The following BIRC6 variants were observed in gnomAD, a reference collection of about 807,000 sequenced individuals.
The protein encoded by BIRC6 is baculoviral IAP repeat containing 6.
In BIRC6, 98 loss-of-function variants were observed where a neutral mutation model predicts 503.3. The observed-to-expected ratio is 0.19, with a 90% CI of 0.17 to 0.23. The LOEUF is 0.23. Among genes scored for constraint, BIRC6 ranks in the 10% least tolerant of loss-of-function variants. BIRC6 has a pLI of 1.00. For missense variants in BIRC6, 5,360 were observed against 5,806.0 expected (o/e 0.92, Z 2.50); for synonymous variants, 2,240 against 2,078.7 (o/e 1.08, Z -2.11).
intron 54 of BIRC6, among the ~76,000 whole-genome samples, chr2:32,514,114 CG>C (rs1353632660): frequency 2.6e-5 from 4 of 151,952 alleles, no homozygotes; most frequent in Non-Finnish European, 5.9e-5. Context: ...TGAAACGAGG[CG>C]TTTAATGCCA....
chr2:32,377,059 AT>A (rs2036893072), intron 1 of BIRC6, among the ~76,000 whole-genome samples: 1 of 152,168 alleles, frequency 6.6e-6, no homozygotes, highest in South Asian at 2.1e-4. Flanking sequence ...CCAATAATTC[AT>A]TTTTAAAAGT....
Position 32,464,783 on chromosome 2 carries a change from A to G in BIRC6, c.5216A>G (p.Asn1739Ser), listed in dbSNP as rs757711857. Reference sequence around the variant, plus strand: ...TCAGTCATTGATCCCCCAGCAGTCAATCTTGCTGCACATAACAAAAATTCC... The same window carrying G: ...TCAGTCATTGATCCCCCAGCAGTCAGTCTTGCTGCACATAACAAAAATTCC... ...PGSVIDPPAV[N>S]LAAHNKNSNK... The change falls in exon 25 of 74, where the codon AAT (asparagine) becomes AGT (serine). Residue 1739 changes from asparagine (N) to serine (S), a missense_variant. Asn to Ser is a conservative substitution (Grantham distance 46). Transcript: ENST00000421745. 6 of 1,613,540 alleles carry G rather than the reference A, an allele frequency of 3.7e-6. No individual in the cohort carries two copies. The highest frequency in any genetic ancestry group is 4.5e-5 in the East Asian group (2 of 44,890).
chr2:32,477,221 T>C lies in BIRC6; in HGVS notation c.6853-147T>C, dbSNP rs1354399184. The C allele has an allele frequency of 7.5e-6, 5 of 665,828 alleles. No homozygotes were observed. In the East Asian group the frequency reaches 1.4e-4, roughly 18 times the overall value. 41.2% of individuals were successfully genotyped at this position (665,828 alleles called of 1,614,324 possible). A position where few individuals can be genotyped will look rare whatever the true frequency, so the allele number is the denominator to read the frequency against. ...TATTGGTCAGTTTAGCTTTTAATAT[T>C]CTTACTTTTGAAACTTACAGTGTAT... On this transcript the variant is annotated intron_variant, in intron 34 of 73. Transcript: ENST00000421745.
At chr2:32,436,857 C>T (rs1268037754) in intron 15 of BIRC6, among the ~76,000 whole-genome samples, 2 of 151,130 alleles carry the variant, frequency 1.3e-5, no homozygotes, top group Non-Finnish European at 2.9e-5. Context: ...AGCACCGCAC[C>T]TGGCCAAGAG....
chr2:32,436,887 T>G (rs1409589864), intron 15 of BIRC6, among the ~76,000 whole-genome samples: 5 of 808 alleles, frequency 6.2e-3, no homozygotes, highest in Non-Finnish European at 0.027. Context: ...TTGTTTTTTC[T>G]TTTTTTTTTT....
intron 70 of BIRC6, among the ~76,000 whole-genome samples, chr2:32,602,295 G>A (rs1350225155): frequency 6.6e-6 from 1 of 152,176 alleles, no homozygotes; most frequent in Non-Finnish European, 1.5e-5. Flanking sequence ...ACATAGATGA[G>A]CCTGGTGGGA....
At position 32,524,940 on chromosome 2, in the gene BIRC6, A is replaced by G. The variant is rs1305857758; in HGVS notation, c.11676A>G (p.Glu3892=). 2 of 1,534,526 alleles carry G rather than the reference A, an allele frequency of 1.3e-6. No homozygotes were observed. Among genetic ancestry groups the G allele is most frequent in the Non-Finnish European group, 1.8e-6 (2 of 1,139,222 alleles). Residue 3892 remains glutamate, a synonymous_variant, in exon 58 of 74, where the codon GAA becomes GAG. Transcript: ENST00000421745. ...TTAGTGAACAAAAAGATGACAAAGA[A>G]AAGAAAAACCATGAAGAGAAAGAAA... is the stretch of plus-strand genomic sequence containing the variant. ...KLISEQKDDK[E]KKNHEEKEKV... is the part of the protein sequence containing the mutation.
Position 32,501,708 on chromosome 2 carries a change from C to T in BIRC6, c.9032-5C>T. The stretch of plus-strand genomic sequence containing the variant: ...TTTTAATGTGGTATCTTTTATTTTT[C>T]TTAGGAGCAAGTGGATTACATCTCA... On this transcript the variant is annotated splice_polypyrimidine_tract_variant and splice_region_variant and intron_variant, in intron 46 of 73. Coordinates refer to ENST00000421745, the MANE Select transcript of BIRC6 (RefSeq NM_016252.4). 6.2e-7 allele frequency: 1 copy of T among 1,603,624 alleles called. No homozygotes were observed. The highest frequency in any genetic ancestry group is 8.5e-7 in the Non-Finnish European group (1 of 1,176,560).
chr2:32,394,153 T>C (rs2039580239), intron 5 of BIRC6, among the ~76,000 whole-genome samples: 1 of 150,824 alleles, frequency 6.6e-6, no homozygotes, highest in Admixed American at 6.6e-5. Context: ...AGTGATGCCT[T>C]GATTTTTTTT....
chr2:32,481,414 T>A lies in BIRC6; in HGVS notation c.7503T>A (p.Ile2501=). The A allele has an allele frequency of 6.2e-7, 1 of 1,612,274 alleles. No homozygotes were observed. Among genetic ancestry groups the A allele is most frequent in the Non-Finnish European group, 8.5e-7 (1 of 1,179,108 alleles). The change falls in exon 38 of 74, where the codon ATT becomes ATA. Residue 2501 remains isoleucine (I), a synonymous_variant. Coordinates refer to ENST00000421745, the MANE Select transcript of BIRC6 (RefSeq NM_016252.4). ...AAGTTGACATTGATCCTTTAGATAT[T>A]GATTTGGAAAAGGACCCTCTTGCAG... ...LMEVDIDPLD[I]DLEKDPLAAK...
intron 61 of BIRC6, among the ~76,000 whole-genome samples, chr2:32,537,752 G>A (rs1374126266): frequency 6.6e-6 from 1 of 152,120 alleles, no homozygotes; most frequent in East Asian, 1.9e-4. Context: ...GGATCACGAG[G>A]TCAGGAGATC....
rs776651975 is a variant in BIRC6 at position 32,501,774 on chromosome 2, A to C, written c.9093A>C (p.Ser3031=). ...TTCATGGTGGGTTGGATGCCATATC[A>C]GTTGGGGATGGATTATTTACCATAC... ...ENFHGGLDAI[S]VGDGLFTILT... Residue 3031 remains serine (S), a synonymous_variant, in exon 47 of 74, where the codon TCA becomes TCC. Transcript: ENST00000421745. 3.1e-5 allele frequency: 50 copies of C among 1,613,682 alleles called. No homozygotes were observed. The Admixed American group carries it at 8.0e-4, about 26-fold the overall frequency.
At chr2:32,578,349 C>A (rs2060405923) in intron 66 of BIRC6, among the ~76,000 whole-genome samples, 1 of 152,140 alleles carries the variant, frequency 6.6e-6, no homozygotes. Flanking sequence ...AAGCTCCCCA[C>A]CCCACCTGTC....
At chr2:32,475,553 C>A (rs1010386267) in intron 33 of BIRC6, among the ~76,000 whole-genome samples, 6 of 152,078 alleles carry the variant, frequency 3.9e-5, no homozygotes, top group East Asian at 1.9e-4. Context: ...AGAAGTGTAT[C>A]CAACTAAATA....
At chr2:32,545,972 C>A in intron 63 of BIRC6, 112 bp downstream of exon 63, 1 of 949,610 alleles carries the variant, frequency 1.1e-6, no homozygotes, top group Non-Finnish European at 1.6e-6. Flanking sequence ...GTTCCATTTT[C>A]ACATCTAAAA....
intron 1 of BIRC6, among the ~76,000 whole-genome samples, chr2:32,359,468 T>G (rs2033703857): frequency 6.6e-6 from 1 of 152,202 alleles, no homozygotes; most frequent in African/African-American, 2.4e-5. Context: ...GGGTTTTAGA[T>G]GTATAACATG....
intron 57 of BIRC6, among the ~76,000 whole-genome samples, chr2:32,521,721 C>T (rs2055740008): frequency 6.6e-6 from 1 of 151,148 alleles, no homozygotes; most frequent in African/African-American, 2.4e-5. Flanking sequence ...CTCAAGTGAT[C>T]TGCCTTCCTC....
rs188840852 is a variant in BIRC6 at position 32,591,463 on chromosome 2, A to G, written c.13356-2452A>G. 6.0e-3 allele frequency among the ~76,000 whole-genome samples: 911 copies of G among 152,310 alleles called. 8 individuals carry two copies. Among genetic ancestry groups the G allele is most frequent in the South Asian group, 0.017 (83 of 4,828 alleles). On this transcript the variant is annotated intron_variant, in intron 66 of 73. Transcript: ENST00000421745. Reference sequence around the variant, plus strand: ...AAGTGGATTTAGGAAATTGGCATGAATAGAGCTTGAGATTTAGAATCAGTA... The same window carrying G: ...AAGTGGATTTAGGAAATTGGCATGAGTAGAGCTTGAGATTTAGAATCAGTA...
intron 38 of BIRC6, 92 bp from the exon 39 acceptor site, chr2:32,482,337 T>C (rs2050500926): frequency 4.1e-6 from 5 of 1,213,824 alleles, no homozygotes; most frequent in Non-Finnish European, 4.6e-6. Flanking sequence ...AATATTTATT[T>C]TGTAGTTCTG....
Sources: gnomAD v4.1 joint callset for allele counts (sites outside exome capture counted in the v4.1 genomes callset) on GRCh38, gnomAD v4.1.1 for gene constraint, MANE v1.5 for transcripts, NCBI Gene and HGNC (gene_info 2026-07-23, HGNC 2026-07-21) for gene names.